The following SPNS1 variants were observed in gnomAD, a reference collection of about 807,000 sequenced individuals.
SPNS1 encodes the protein protein spinster homolog 1.
Under a neutral mutation model 50.3 loss-of-function variants are expected in SPNS1, and 22 were observed. That is an observed-to-expected ratio of 0.44 (90% CI 0.31 to 0.62). The LOEUF is 0.62. SPNS1 is among the 20% of genes least tolerant of loss of function. The pLI is 0.07. For missense variants in SPNS1, 576 were observed against 728.6 expected, an observed-to-expected ratio of 0.79 and a Z score of 2.41; for synonymous variants, 295 against 317.4, an observed-to-expected ratio of 0.93 and a Z score of 0.75.
Position 28,984,482 on chromosome 16 carries a change from C to T in SPNS1, c.*183C>T. The T allele has an allele frequency of 2.8e-6, 2 of 717,316 alleles. No homozygotes were observed. The highest frequency in any genetic ancestry group is 1.7e-5 in the African/African-American group (1 of 57,664). The allele number at this position is 717,316 out of a possible 1,614,324, so 44.4% of individuals were successfully genotyped here. A position where few individuals can be genotyped will look rare whatever the true frequency, so the allele number is the denominator to read the frequency against. On this transcript the variant is annotated 3_prime_UTR_variant, in exon 12 of 12. Transcript: ENST00000311008. ...GTGGGGGTCCAGGAGGGGGATCCCT[C>T]TCCACAGGGGCAGCCCCAAGGGCTC...
In SPNS1 at chr16:28,983,459, G is replaced by T. The variant is rs1446032834; in HGVS notation, c.1320+169G>T. On this transcript the variant is annotated intron_variant, in intron 10 of 11. Coordinates refer to ENST00000311008, the MANE Select transcript of SPNS1 (RefSeq NM_032038.3). This position sits in a 1 kb window ranked among gnomAD's most constrained non-coding sequence, Gnocchi z 5.4. ...GTCTTTGAATATTTCTACCAGTAAG[G>T]CCAGGGACCTCACCCTGGTGGTCCA... is the stretch of plus-strand genomic sequence containing the variant. 6.6e-6 allele frequency among the ~76,000 whole-genome samples: 1 copy of T among 152,138 alleles called. No homozygotes were observed. The highest frequency in any genetic ancestry group is 1.5e-5 in the Non-Finnish European group (1 of 68,012).
rs1375171843 is a variant in SPNS1 at position 28,977,904 on chromosome 16, C to T, written c.308-4C>T. The T allele has an allele frequency of 1.2e-6, 2 of 1,613,462 alleles. No individual in the cohort carries two copies. Among genetic ancestry groups the T allele is most frequent in the East Asian group, 4.5e-5 (2 of 44,880 alleles). On this transcript the variant is annotated splice_region_variant and splice_polypyrimidine_tract_variant and intron_variant, in intron 2 of 11. Transcript: ENST00000311008. ...CTGAGCTGTGACTCTCTGCTTCCCCCTAGTGTTCATCTCCAGTTACATGGT... is the reference window on the plus strand; with the variant it reads ...CTGAGCTGTGACTCTCTGCTTCCCCTTAGTGTTCATCTCCAGTTACATGGT...
rs765114982 is a variant in SPNS1 at position 28,983,195 on chromosome 16, G to A, written c.1225G>A (p.Val409Met). 11 of 1,609,850 alleles carry A rather than the reference G, an allele frequency of 6.8e-6. No individual in the cohort carries two copies. Among genetic ancestry groups the A allele is most frequent in the South Asian group, 4.4e-5 (4 of 90,922 alleles). ...WAIVADILLY[V>M]VIPTRRSTAE... The stretch of plus-strand genomic sequence containing the variant: ...AGCTCCACCAACTCCTCCACAGTAC[G>A]TGGTGATCCCTACCCGACGCTCCAC... Residue 409 changes from valine (V) to methionine (M), a missense_variant, in exon 10 of 12, where the codon GTG becomes ATG. Val to Met is a conservative substitution (Grantham distance 21). Around this residue, in one of 3 missense-constraint regions of SPNS1, gnomAD observed 428 missense variants for 520.1 expected, o/e 0.82. Transcript: ENST00000311008. The surrounding 1 kb of genome is among the most constrained non-coding windows in gnomAD (Gnocchi z 5.4).
Position 28,982,485 on chromosome 16 carries a change from C to CTCT in SPNS1, c.1096_1098dup (p.Ser366dup). ...TGGTCTGTGCCACTGGCCTCCTGGG[C>CTCT]TCTGCACCCTTCCTCTTCCTGTCCC... On this transcript the variant is annotated inframe_insertion, in exon 8 of 12. Coordinates refer to ENST00000311008, the MANE Select transcript of SPNS1 (RefSeq NM_032038.3). 6.2e-7 allele frequency: 1 copy of CTCT among 1,613,810 alleles called. No individual in the cohort carries two copies. Among genetic ancestry groups the CTCT allele is most frequent in the Non-Finnish European group, 8.5e-7 (1 of 1,179,924 alleles).
rs1171945707 is a variant in SPNS1 at position 28,982,671 on chromosome 16, A to T, written c.1155+126A>T. 3 of 1,295,422 alleles carry T rather than the reference A, an allele frequency of 2.3e-6. No homozygotes were observed. In the African/African-American group the frequency reaches 4.4e-5, roughly 19 times the overall value. 80.2% of individuals were successfully genotyped at this position (1,295,422 alleles called of 1,614,324 possible). ...AGCTCTGGCTCTTCCCAGCTGTGTG[A>T]CATTGGACAAGTGACTTAACCTCTC... is the stretch of plus-strand genomic sequence containing the variant. On this transcript the variant is annotated intron_variant, in intron 8 of 11. Transcript: ENST00000311008.
chr16:28,981,716 G>T lies in SPNS1; in HGVS notation c.809+101G>T. On this transcript the variant is annotated intron_variant, in intron 6 of 11. Coordinates refer to ENST00000311008, the MANE Select transcript of SPNS1 (RefSeq NM_032038.3). This position sits in a 1 kb window ranked among gnomAD's most constrained non-coding sequence, Gnocchi z 4.2. ...TGTTCCTGGCCACACCCCAAGGCCA[G>T]TAATTCGGTCGATACTGTCCCCTTG... 1 of 1,544,966 alleles carries T rather than the reference G, an allele frequency of 6.5e-7. No homozygotes were observed. Among genetic ancestry groups the T allele is most frequent in the Non-Finnish European group, 8.8e-7 (1 of 1,139,902 alleles).
chr16:28,977,090 C>T (rs550148992), intron 2 of SPNS1, among the ~76,000 whole-genome samples: 8 of 152,168 alleles, frequency 5.3e-5, no homozygotes, highest in South Asian at 2.1e-4. Context: ...GAGGCCGAGG[C>T]GGGTGGATCA....
In SPNS1 at chr16:28,981,823, C is replaced by G. The variant is rs1965563574; in HGVS notation, c.810-78C>G. On this transcript the variant is annotated intron_variant, in intron 6 of 11. Transcript: ENST00000311008. This position sits in a 1 kb window ranked among gnomAD's most constrained non-coding sequence, Gnocchi z 4.2. ...GTGTTGTGACCTTACTAAAATAAGC[C>G]AGGAAGGGAGAAGAGAGGTCCCCTC... is the stretch of plus-strand genomic sequence containing the variant. 1.9e-6 allele frequency: 3 copies of G among 1,578,902 alleles called. No homozygotes were observed. Among genetic ancestry groups the G allele is most frequent in the African/African-American group, 2.7e-5 (2 of 74,238 alleles).
chr16:28,983,119 TG>T lies in SPNS1; in HGVS notation c.1222-71del. 7.5e-7 allele frequency: 1 copy of T among 1,339,434 alleles called. No individual in the cohort carries two copies. The highest frequency in any genetic ancestry group is 1.1e-6 in the Non-Finnish European group (1 of 938,288). The allele number at this position is 1,339,434 out of a possible 1,614,324, so 83.0% of individuals were successfully genotyped here. On this transcript the variant is annotated intron_variant, in intron 9 of 11. Coordinates refer to ENST00000311008, the MANE Select transcript of SPNS1 (RefSeq NM_032038.3). This position sits in a 1 kb window ranked among gnomAD's most constrained non-coding sequence, Gnocchi z 5.4. ...GACCCCGGCCTAGGCGGATCCTTGGTGGTCTCCTGGCCCCCTGCCTCCTGCC... is the reference window on the plus strand; with the variant it reads ...GACCCCGGCCTAGGCGGATCCTTGGTGTCTCCTGGCCCCCTGCCTCCTGCC...
rs1567525247 is a variant in SPNS1, at chr16:28,981,583, G to A, written c.777G>A (p.Ser259=). Reference sequence around the variant, plus strand: ...ATTTGCCACCCCTGAACCCCACCTCGTGGTGGGCAGATCTGAGGGCTCTGG... The same window carrying A: ...ATTTGCCACCCCTGAACCCCACCTCATGGTGGGCAGATCTGAGGGCTCTGG... ...HSDLPPLNPT[S]WWADLRALAR... is the part of the protein sequence containing the mutation. The change falls in exon 6 of 12, where the codon TCG becomes TCA. Residue 259 remains serine, a synonymous_variant. Coordinates refer to ENST00000311008, the MANE Select transcript of SPNS1 (RefSeq NM_032038.3). This position sits in a 1 kb window ranked among gnomAD's most constrained non-coding sequence, Gnocchi z 4.2. The A allele has an allele frequency of 7.4e-6, 12 of 1,614,094 alleles. No individual in the cohort carries two copies. The highest frequency in any genetic ancestry group is 4.5e-5 in the East Asian group (2 of 44,870).
chr16:28,981,733 GT>G lies in SPNS1; in HGVS notation c.809+119del. 1.3e-6 allele frequency: 2 copies of G among 1,502,132 alleles called. No individual in the cohort carries two copies. Among genetic ancestry groups the G allele is most frequent in the Non-Finnish European group, 1.8e-6 (2 of 1,106,158 alleles). The allele number at this position is 1,502,132 out of a possible 1,614,324, so 93.1% of individuals were successfully genotyped here. A position where few individuals can be genotyped will look rare whatever the true frequency, so the allele number is the denominator to read the frequency against. On this transcript the variant is annotated intron_variant, in intron 6 of 11. Coordinates refer to ENST00000311008, the MANE Select transcript of SPNS1 (RefSeq NM_032038.3). This position sits in a 1 kb window ranked among gnomAD's most constrained non-coding sequence, Gnocchi z 4.2. ...CAAGGCCAGTAATTCGGTCGATACT[GT>G]CCCCTTGTGGCAGCTGCTTGAATTA...
chr16:28,980,123 C>A (rs978707117), intron 5 of SPNS1: 1 of 151,390 alleles, frequency 6.6e-6, no homozygotes. Flanking sequence ...GTCAGGAGTT[C>A]TAGGCCAGCT....
chr16:28,984,183 G>A (rs985655386), intron 11 of SPNS1, 22 bp from the exon 12 acceptor site: 13 of 1,545,046 alleles, frequency 8.4e-6, no homozygotes, highest in Non-Finnish European at 1.0e-5. Context: ...AGCTCACCCT[G>A]GCTCTGACCC....
chr16:28,981,542 G>C lies in SPNS1; in HGVS notation c.736G>C (p.Val246Leu). The stretch of plus-strand genomic sequence containing the variant: ...AGTGCGGGAGCCGCCAAGGGGAGCC[G>C]TGGAGCGCCACTCAGATTTGCCACC... The part of the protein sequence containing the change: ...LVVREPPRGA[V>L]ERHSDLPPLN... The change falls in exon 6 of 12, where the codon GTG (valine) becomes CTG (leucine). Residue 246 changes from valine to leucine, a missense_variant. Transcript: ENST00000311008. The surrounding 1 kb of genome is among the most constrained non-coding windows in gnomAD (Gnocchi z 4.2). 6.2e-7 allele frequency: 1 copy of C among 1,614,104 alleles called. No individual in the cohort carries two copies. The highest frequency in any genetic ancestry group is 8.5e-7 in the Non-Finnish European group (1 of 1,180,024).
intron 5 of SPNS1, chr16:28,980,446 TG>T (rs1965505378): frequency 6.6e-6 from 1 of 152,120 alleles, no homozygotes; most frequent in Non-Finnish European, 1.5e-5. Flanking sequence ...ACCCCTTTTT[TG>T]GGGCAGCTCT....
Position 28,981,324 on chromosome 16 carries a change from A to C in SPNS1, c.664-146A>C. On this transcript the variant is annotated intron_variant, in intron 5 of 11. Coordinates refer to ENST00000311008, the MANE Select transcript of SPNS1 (RefSeq NM_032038.3). The surrounding 1 kb of genome is among the most constrained non-coding windows in gnomAD (Gnocchi z 4.2). Reference sequence around the variant, plus strand: ...CCCCTAGTGGCAGCCCCCTTCCCCCAGATTGCAGGTTCGGCTTCTTGGAGC... The same window carrying C: ...CCCCTAGTGGCAGCCCCCTTCCCCCCGATTGCAGGTTCGGCTTCTTGGAGC... 5 of 1,037,588 alleles carry C rather than the reference A, an allele frequency of 4.8e-6. No individual in the cohort carries two copies. The highest frequency in any genetic ancestry group is 2.6e-5 in the East Asian group (1 of 37,804). The allele number at this position is 1,037,588 out of a possible 1,614,324, so 64.3% of individuals were successfully genotyped here.
At position 28,974,976 on chromosome 16, in the gene SPNS1, C is replaced by T. The variant is rs907572045; in HGVS notation, c.-176C>T. Reference sequence around the variant, plus strand: ...CTGTGTGTCTACTGAGACGGGGAGGCGTGACAGGGCCCGGGTCCCTTCTCA... The same window carrying T: ...CTGTGTGTCTACTGAGACGGGGAGGTGTGACAGGGCCCGGGTCCCTTCTCA... On this transcript the variant is annotated 5_prime_UTR_variant, in exon 1 of 12. Transcript: ENST00000311008. The T allele has an allele frequency of 6.8e-7, 1 of 1,459,888 alleles. No individual in the cohort carries two copies. The highest frequency in any genetic ancestry group is 2.4e-5 in the Admixed American group (1 of 41,344). 90.4% of individuals were successfully genotyped at this position (1,459,888 alleles called of 1,614,324 possible). A position where few individuals can be genotyped will look rare whatever the true frequency, so the allele number is the denominator to read the frequency against.
intron 3 of SPNS1, 130 bp downstream of exon 3, chr16:28,978,174 A>G: frequency 1.6e-6 from 2 of 1,287,742 alleles, no homozygotes; most frequent in Non-Finnish European, 2.1e-6. Flanking sequence ...GCCATTTTAT[A>G]CCCCTCCTTG....
Position 28,982,045 on chromosome 16 carries a change from TTCC to T in SPNS1, c.957_959del (p.Ser320del). ...CCTGCCTTCCCGGAGACTCCTGCTC[TTCC>T]TCTGACAGGTGCCCAGATGGGGCTA... On this transcript the variant is annotated inframe_deletion, in exon 7 of 12. Coordinates refer to ENST00000311008, the MANE Select transcript of SPNS1 (RefSeq NM_032038.3). 6.2e-7 allele frequency: 1 copy of T among 1,613,978 alleles called. No individual in the cohort carries two copies. Among genetic ancestry groups the T allele is most frequent in the South Asian group, 1.1e-5 (1 of 91,068 alleles).
Sources: gnomAD v4.1 joint callset for allele counts (sites outside exome capture counted in the v4.1 genomes callset) on GRCh38, gnomAD v4.1.1 for gene constraint, gnomAD v4.1.1 regional missense constraint, Gnocchi (gnomAD v3.1) non-coding constraint, MANE v1.5 for transcripts, NCBI Gene and HGNC (gene_info 2026-07-23, HGNC 2026-07-21) for gene names.